Variants in ANKRD30B observed in about 807,000 individuals in gnomAD.
The protein encoded by ANKRD30B is ankyrin repeat domain-containing protein 30B.
Under a neutral mutation model 202.2 loss-of-function variants are expected in ANKRD30B, and 144 were observed. The ratio of observed to expected loss-of-function variants is 0.71; its 90% CI spans 0.62 to 0.82. ANKRD30B has a LOEUF of 0.82. ANKRD30B is among the 40% of genes least tolerant of loss of function. ANKRD30B has a pLI of 0.00. For synonymous variants in ANKRD30B, 508 were observed against 561.3 expected, an observed-to-expected ratio of 0.91 and a Z score of 1.34; for missense variants, 1,487 against 1,669.1, an observed-to-expected ratio of 0.89 and a Z score of 1.90.
chr18:14,898,051 GA>G, the ANKRD30B span, among the ~76,000 whole-genome samples: 1 of 152,112 alleles, frequency 6.6e-6, no homozygotes, highest in Admixed American at 6.5e-5. Context: ...AGTGCAGGGT[GA>G]AAAAATTAAT....
At chr18:14,868,906 C>T in the ANKRD30B span, among the ~76,000 whole-genome samples, 44 of 152,210 alleles carry the variant, frequency 2.9e-4, no homozygotes, top group African/African-American at 1.0e-3. Context: ...CTGCTGCCTC[C>T]GTGTTGTCTC....
At chr18:14,837,021 C>A in intron 34 of ANKRD30B, 190 bp from the exon 35 acceptor site, 1 of 461,082 alleles carries the variant, frequency 2.2e-6, no homozygotes. Context: ...TGAACATAAG[C>A]CAGAATCTAT....
the ANKRD30B span, among the ~76,000 whole-genome samples, chr18:14,865,673 C>T: frequency 6.6e-6 from 1 of 150,762 alleles, no homozygotes; most frequent in South Asian, 2.1e-4. Flanking sequence ...TTCTCCAGCT[C>T]ACCATCCTTT....
the ANKRD30B span, among the ~76,000 whole-genome samples, chr18:14,865,459 T>C: frequency 6.6e-6 from 1 of 151,836 alleles, no homozygotes; most frequent in Admixed American, 6.6e-5. Flanking sequence ...ACCGTATTTT[T>C]GCAAACCTTC....
chr18:14,872,971 C>T, the ANKRD30B span, among the ~76,000 whole-genome samples: 11 of 152,204 alleles, frequency 7.2e-5, no homozygotes, highest in South Asian at 4.1e-4. Flanking sequence ...CCTTTGATGC[C>T]GTTTTGATCC....
At chr18:14,840,124 G>A (rs548070564) in intron 36 of ANKRD30B, among the ~76,000 whole-genome samples, 2 of 152,156 alleles carry the variant, frequency 1.3e-5, no homozygotes, top group African/African-American at 4.8e-5. Context: ...CTCTTGAAAT[G>A]TTTTGGTTTT....
intron 18 of ANKRD30B, 96 bp from the exon 19 acceptor site, chr18:14,797,565 G>C: frequency 7.4e-7 from 1 of 1,351,128 alleles, no homozygotes; most frequent in Non-Finnish European, 1.1e-6. Context: ...TCCAATCCAA[G>C]CATGAGGATT....
the ANKRD30B span, among the ~76,000 whole-genome samples, chr18:14,935,505 A>G: frequency 1.3e-5 from 2 of 152,184 alleles, no homozygotes; most frequent in Non-Finnish European, 2.9e-5. Context: ...TGGGCCTGAC[A>G]CCTGCAGGCC....
intron 5 of ANKRD30B, among the ~76,000 whole-genome samples, chr18:14,760,226 G>A (rs1915042953): frequency 6.6e-6 from 1 of 152,136 alleles, no homozygotes; most frequent in Non-Finnish European, 1.5e-5. Context: ...CCTAAGAGAA[G>A]CAACTTGTTC....
chr18:14,872,823 A>G, the ANKRD30B span, among the ~76,000 whole-genome samples: 1 of 151,992 alleles, frequency 6.6e-6, no homozygotes, highest in Non-Finnish European at 1.5e-5. Flanking sequence ...AGCCACAGAA[A>G]CCCTGCCAAG....
chr18:14,772,750 G>A (rs1004889422), intron 9 of ANKRD30B, among the ~76,000 whole-genome samples: 3 of 137,286 alleles, frequency 2.2e-5, no homozygotes, highest in African/African-American at 5.4e-5. Context: ...TTGATATCAC[G>A]TAGTTTTCAG....
intron 33 of ANKRD30B, chr18:14,830,352 A>C (rs1970854665): frequency 6.6e-6 from 1 of 152,434 alleles, no homozygotes; most frequent in African/African-American, 2.4e-5. Context: ...GTTTATGTAG[A>C]CCTGAACAAG....
intron 30 of ANKRD30B, among the ~76,000 whole-genome samples, chr18:14,819,725 T>C (rs1970311019): frequency 6.6e-6 from 1 of 152,148 alleles, no homozygotes; most frequent in Non-Finnish European, 1.5e-5. Flanking sequence ...GATCTATATC[T>C]CTGTTTCGGT....
chr18:14,827,968 T>C (rs570465924), intron 32 of ANKRD30B, among the ~76,000 whole-genome samples: 2 of 152,366 alleles, frequency 1.3e-5, no homozygotes, highest in African/African-American at 4.8e-5. Context: ...TCTCAACGTA[T>C]GGTCCCAAAA....
intron 31 of ANKRD30B, 27 bp from the exon 32 acceptor site, chr18:14,822,578 A>G (rs1459860873): frequency 8.9e-7 from 1 of 1,121,342 alleles, no homozygotes; most frequent in East Asian, 2.6e-5. Flanking sequence ...ATTATATAGT[A>G]ATTATTGTGT....
At chr18:14,934,109 C>A in the ANKRD30B span, among the ~76,000 whole-genome samples, 1 of 152,270 alleles carries the variant, frequency 6.6e-6, no homozygotes, top group Admixed American at 6.5e-5. Flanking sequence ...GGTCCACCCA[C>A]AGCCTCACTG....
In ANKRD30B at chr18:14,772,209, A is replaced by T. The variant is rs1475331137; in HGVS notation, c.1310A>T (p.Asp437Val). ...ENSQCTKVEE[D>V]FNLATKIISK... ...TCACAGTGTACAAAAGTTGAGGAAG[A>T]CTTTAATCTTGCTACCAAGGTAAAA... Residue 437 changes from aspartate to valine, a missense_variant, in exon 9 of 44, where the codon GAC becomes GTC. Asp to Val is a radical substitution (Grantham distance 152). Transcript: ENST00000690538. 1 of 1,505,324 alleles carries T rather than the reference A, an allele frequency of 6.6e-7. No individual in the cohort carries two copies. The highest frequency in any genetic ancestry group is 8.9e-7 in the Non-Finnish European group (1 of 1,120,666). 93.2% of individuals were successfully genotyped at this position (1,505,324 alleles called of 1,614,324 possible).
At chr18:14,809,549 T>C (rs2144051267) in intron 26 of ANKRD30B, among the ~76,000 whole-genome samples, 2 of 150,898 alleles carry the variant, frequency 1.3e-5, no homozygotes, top group Admixed American at 6.6e-5. Flanking sequence ...CCCATGCATC[T>C]GTTTATAGGC....
chr18:14,871,211 T>G, the ANKRD30B span, among the ~76,000 whole-genome samples: 1 of 39,488 alleles, frequency 2.5e-5, no homozygotes, highest in African/African-American at 8.0e-5. Context: ...CTGGTCCTGC[T>G]GCACCCCCAC....
Sources: allele counts gnomAD v4.1 joint callset (sites outside exome capture counted in the v4.1 genomes callset), GRCh38; gene constraint gnomAD v4.1.1; transcripts MANE v1.5; gene names NCBI Gene and HGNC (gene_info 2026-07-23, HGNC 2026-07-21).